Variants in IFT122 observed in about 807,000 individuals in gnomAD.
IFT122 encodes intraflagellar transport protein 122 homolog.
Under a neutral mutation model 161.6 loss-of-function variants are expected in IFT122, and 118 were observed. The ratio of observed to expected loss-of-function variants is 0.73; its 90% CI spans 0.63 to 0.85. IFT122 has a LOEUF of 0.85. Among genes scored for constraint, IFT122 ranks in the 40% least tolerant of loss-of-function variants. IFT122 has a pLI of 0.00. For synonymous variants in IFT122, 550 were observed against 602.4 expected (o/e 0.91, Z 1.27); for missense variants, 1,381 against 1,579.6 (o/e 0.87, Z 2.13).
At chr3:129,475,118 G>A (rs1225647257) in intron 9 of IFT122, among the ~76,000 whole-genome samples, 1 of 152,142 alleles carries the variant, frequency 6.6e-6, no homozygotes, top group South Asian at 2.1e-4. Context: ...ATGATCATAC[G>A]ACTGCATTCC....
At chr3:129,481,997 C>T (rs1469314306) in intron 14 of IFT122, among the ~76,000 whole-genome samples, 1 of 152,232 alleles carries the variant, frequency 6.6e-6, no homozygotes, top group Admixed American at 6.5e-5. Context: ...GGGGCAATGA[C>T]TCTGAGAGGG....
chr3:129,514,465 C>T lies in IFT122; in HGVS notation c.3064C>T (p.Leu1022=). Reference sequence around the variant, plus strand: ...GCTGGCCCGGCACGCCTATGACAAGCTGCGTGGCCTGTACATCCCTGCCAG... The same window carrying T: ...GCTGGCCCGGCACGCCTATGACAAGTTGCGTGGCCTGTACATCCCTGCCAG... ...YRLARHAYDK[L]RGLYIPARFQ... The change falls in exon 25 of 30, where the codon CTG becomes TTG. Residue 1022 remains leucine, a synonymous_variant. Coordinates refer to ENST00000348417, the MANE Select transcript of IFT122 (RefSeq NM_052989.3). The T allele has an allele frequency of 1.2e-6, 2 of 1,614,208 alleles. No individual in the cohort carries two copies. The highest frequency in any genetic ancestry group is 4.5e-5 in the East Asian group (2 of 44,890).
At chr3:129,492,059 G>A in intron 16 of IFT122, 82 bp from the exon 17 acceptor site, 3 of 1,019,144 alleles carry the variant, frequency 2.9e-6, no homozygotes, top group Non-Finnish European at 4.7e-6. Flanking sequence ...TCTAGATAGA[G>A]CTTGACTTCC....
At position 129,478,155 on chromosome 3, in the gene IFT122, G is replaced by C; in HGVS notation, c.1287G>C (p.Lys429Asn). Reference sequence around the variant, plus strand: ...ACATGCATTACCGGGTAAAGGAGAAGATTATCAAGAAGTTTGAGTGCAACC... The same window carrying C: ...ACATGCATTACCGGGTAAAGGAGAACATTATCAAGAAGTTTGAGTGCAACC... ...LSDMHYRVKE[K>N]IIKKFECNLL... Residue 429 changes from lysine to asparagine, a missense_variant, in exon 12 of 30, where the codon AAG (lysine) becomes AAC (asparagine). Lys to Asn is a moderately conservative substitution (Grantham distance 94). Around this residue, in one of 7 missense-constraint regions of IFT122, gnomAD observed 544 missense variants for 648.0 expected, o/e 0.84. Transcript: ENST00000348417. 6.2e-7 allele frequency: 1 copy of C among 1,614,216 alleles called. No homozygotes were observed. The highest frequency in any genetic ancestry group is 8.5e-7 in the Non-Finnish European group (1 of 1,180,036).
intron 13 of IFT122, among the ~76,000 whole-genome samples, chr3:129,480,542 C>T (rs2078521188): frequency 6.6e-6 from 1 of 152,212 alleles, no homozygotes; most frequent in Non-Finnish European, 1.5e-5. Context: ...CCAAGCTGTG[C>T]AGCAGATGGC....
chr3:129,519,099 C>T lies in IFT122; in HGVS notation c.3392-8C>T. On this transcript the variant is annotated splice_region_variant and splice_polypyrimidine_tract_variant and intron_variant, in intron 27 of 29. Transcript: ENST00000348417. Reference sequence around the variant, plus strand: ...CTTCTGATTCCATCCTTGACCAGATCCCTCCAGGCTCCCAGATTCTGCGGC... The same window carrying T: ...CTTCTGATTCCATCCTTGACCAGATTCCTCCAGGCTCCCAGATTCTGCGGC... 3 of 1,613,048 alleles carry T rather than the reference C, an allele frequency of 1.9e-6. No homozygotes were observed. Among genetic ancestry groups the T allele is most frequent in the Non-Finnish European group, 2.5e-6 (3 of 1,178,992 alleles).
chr3:129,453,216 G>A (rs1003363294), intron 3 of IFT122, among the ~76,000 whole-genome samples: 7 of 152,292 alleles, frequency 4.6e-5, no homozygotes, highest in African/African-American at 1.7e-4. Context: ...TAGGGGCACA[G>A]TAGGAACTGC....
chr3:129,485,617 C>A (rs2079182224), intron 15 of IFT122, among the ~76,000 whole-genome samples: 1 of 152,242 alleles, frequency 6.6e-6, no homozygotes, highest in South Asian at 2.1e-4. Context: ...CCCTCAATTG[C>A]CCCAAACTAG....
At position 129,510,296 on chromosome 3, in the gene IFT122, C is replaced by A. The variant is rs1578105867; in HGVS notation, c.2887-2016C>A. Among the ~76,000 whole-genome samples the A allele has an allele frequency of 2.0e-5, 3 of 152,346 alleles. No individual in the cohort carries two copies. In the Middle Eastern group the frequency reaches 0.01, roughly 518 times the overall value. ...GGCATTTCTTTCCCTCTAATCTGTG[C>A]TGACTTCTCAGCACATTTTTTGCCT... On this transcript the variant is annotated intron_variant, in intron 23 of 29. Transcript: ENST00000348417.
At position 129,476,135 on chromosome 3, in the gene IFT122, G is replaced by C. The variant is rs967438213; in HGVS notation, c.817-180G>C. The C allele has an allele frequency of 1.9e-5, 13 of 678,032 alleles. No homozygotes were observed. The African/African-American group carries it at 2.1e-4, about 11-fold the overall frequency. The allele number at this position is 678,032 out of a possible 1,614,324, so 42.0% of individuals were successfully genotyped here. ...GTTTGGGCTGTGTAGAGGATGAGTA[G>C]GGAGATGCAGAGGCAGAGAGGCCTG... On this transcript the variant is annotated intron_variant, in intron 9 of 29. Transcript: ENST00000348417.
At chr3:129,509,541 A>G (rs2082558804) in intron 23 of IFT122, among the ~76,000 whole-genome samples, 1 of 152,254 alleles carries the variant, frequency 6.6e-6, no homozygotes, top group African/African-American at 2.4e-5. Context: ...TTTGAACTCA[A>G]ATAAGAAAAC....
At chr3:129,479,982 C>A in intron 13 of IFT122, 60 bp downstream of exon 13, 1 of 1,601,574 alleles carries the variant, frequency 6.2e-7, no homozygotes, top group Non-Finnish European at 8.5e-7. Flanking sequence ...GTGGGTGACC[C>A]GTCTAGCAAT....
chr3:129,508,376 A>C (rs1205334059), intron 23 of IFT122, among the ~76,000 whole-genome samples: 1 of 152,216 alleles, frequency 6.6e-6, no homozygotes. Context: ...GATGTTGAGC[A>C]CTTAGTACCT....
chr3:129,444,214 C>T (rs996224725), intron 1 of IFT122, among the ~76,000 whole-genome samples: 2 of 152,280 alleles, frequency 1.3e-5, no homozygotes, highest in Middle Eastern at 3.4e-3. Flanking sequence ...TTTTATTCCG[C>T]CATGCTGCTT....
At chr3:129,476,003 AAAACCACCCACAGTCT>A in intron 9 of IFT122, 1 of 432,792 alleles carries the variant, frequency 2.3e-6, no homozygotes, top group Middle Eastern at 6.8e-4. Flanking sequence ...CTTTGGGAAC[AAAACCACCCACAGTCT>A]CCATCTTGGC....
At chr3:129,456,201 A>C (rs1229775606) in intron 3 of IFT122, 1 of 1,276,556 alleles carries the variant, frequency 7.8e-7, no homozygotes, top group Admixed American at 2.3e-5. Context: ...TCTGAGCCCA[A>C]AGCTTATGCT....
At chr3:129,469,239 A>C in intron 8 of IFT122, 103 bp from the exon 9 acceptor site, 1 of 1,035,676 alleles carries the variant, frequency 9.7e-7, no homozygotes. Context: ...ACATTTGGCA[A>C]CCTGAGGCCA....
chr3:129,458,523 GT>G, intron 3 of IFT122, 75 bp from the exon 4 acceptor site: 1 of 1,287,394 alleles, frequency 7.8e-7, no homozygotes, highest in Non-Finnish European at 1.1e-6. Flanking sequence ...TAAAGAACTA[GT>G]TTTCTAAAGA....
chr3:129,495,283 C>T (rs1277660238), intron 17 of IFT122, among the ~76,000 whole-genome samples, 163 bp from the exon 18 acceptor site: 1 of 152,180 alleles, frequency 6.6e-6, no homozygotes, highest in Non-Finnish European at 1.5e-5. Context: ...GTCAAGCCTT[C>T]CCAGCGGGAA....
Sources: gnomAD v4.1 joint callset for allele counts (sites outside exome capture counted in the v4.1 genomes callset) on GRCh38, gnomAD v4.1.1 for gene constraint, gnomAD v4.1.1 regional missense constraint, MANE v1.5 for transcripts, NCBI Gene and HGNC (gene_info 2026-07-23, HGNC 2026-07-21) for gene names.